Variants in MPC1 observed in about 807,000 individuals in gnomAD.
The protein encoded by MPC1 is HSPC040 protein.
MPC1 carries 6 observed loss-of-function variants against 13.9 expected under a neutral mutation model. The observed-to-expected ratio is 0.43, with a 90% CI of 0.24 to 0.85. The LOEUF (loss-of-function observed/expected upper bound fraction) is 0.85, where lower values mean the gene tolerates loss of function less well. MPC1 is among the 40% of genes least tolerant of loss of function. MPC1 has a pLI of 0.24. For synonymous variants in MPC1, 47 were observed against 50.5 expected, an observed-to-expected ratio of 0.93 and a Z score of 0.29; for missense variants, 115 against 143.3, an observed-to-expected ratio of 0.80 and a Z score of 1.01.
In MPC1 at chr6:166,376,155, CGT is replaced by C. The variant is rs74273802; in HGVS notation, c.72-5936_72-5935del. ...ATAGCTATAGATACATATACACATA[CGT>C]GTGTGTGTGTGTGTGTGTGTGTATA... On this transcript the variant is annotated intron_variant, in intron 1 of 4. Transcript: ENST00000360961. 1.0e-3 allele frequency among the ~76,000 whole-genome samples: 153 copies of C among 151,050 alleles called. 1 individual carries two copies. The highest frequency in any genetic ancestry group is 2.7e-3 in the African/African-American group (109 of 41,042).
At chr6:166,379,485 C>T (rs1039336603) in intron 1 of MPC1, among the ~76,000 whole-genome samples, 1 of 151,474 alleles carries the variant, frequency 6.6e-6, no homozygotes, top group Non-Finnish European at 1.5e-5. Context: ...CAGAGTAATA[C>T]CCTGTCTCTA....
chr6:166,374,494 T>C (rs1316620203), intron 1 of MPC1, among the ~76,000 whole-genome samples: 23 of 152,196 alleles, frequency 1.5e-4, no homozygotes, highest in Non-Finnish European at 2.9e-5. Flanking sequence ...GAAAAACTCA[T>C]CCCCAAACCC....
intron 1 of MPC1, among the ~76,000 whole-genome samples, chr6:166,377,074 G>A (rs1779594980): frequency 6.6e-6 from 1 of 151,154 alleles, no homozygotes; most frequent in Non-Finnish European, 1.5e-5. Context: ...GGTTTTAAAT[G>A]AGCATTTTAT....
In MPC1 at chr6:166,367,359, A is replaced by T. The variant is rs112095807; in HGVS notation, c.76-468T>A. Reference sequence around the variant, plus strand: ...TAATAATTCTTAAAATGCAGACCCTAAATTGGGTACTTTTCTGAAGAAAGA... The same window carrying T: ...TAATAATTCTTAAAATGCAGACCCTTAATTGGGTACTTTTCTGAAGAAAGA... On this transcript the variant is annotated intron_variant, in intron 2 of 4. Coordinates refer to ENST00000360961, the MANE Select transcript of MPC1 (RefSeq NM_016098.4). Among the ~76,000 whole-genome samples the T allele has an allele frequency of 7.5e-4, 114 of 152,354 alleles. 1 individual carries two copies. The highest frequency in any genetic ancestry group is 1.4e-3 in the Admixed American group (21 of 15,304).
At chr6:166,367,321 T>G (rs919406451) in intron 2 of MPC1, 2 of 342,190 alleles carry the variant, frequency 5.8e-6, no homozygotes, top group Admixed American at 5.6e-5. Flanking sequence ...CAAATTTTTA[T>G]GAAGATATTT....
chr6:166,375,585 C>T (rs1779539077), intron 1 of MPC1, among the ~76,000 whole-genome samples: 1 of 151,696 alleles, frequency 6.6e-6, no homozygotes, highest in South Asian at 2.1e-4. Context: ...CCCACAAATT[C>T]TGATAAGTTG....
chr6:166,370,131 T>A, intron 2 of MPC1, 87 bp downstream of exon 2: 1 of 779,592 alleles, frequency 1.3e-6, no homozygotes, highest in Non-Finnish European at 2.4e-6. Context: ...GGCTCTCATA[T>A]GCAAAGGATG....
At chr6:166,366,953 C>T (rs1779181324) in intron 2 of MPC1, 62 bp from the exon 3 acceptor site, 1 of 1,610,820 alleles carries the variant, frequency 6.2e-7, no homozygotes, top group African/African-American at 1.3e-5. Context: ...CTATAAACAG[C>T]TGAAATTTCC....
intron 1 of MPC1, chr6:166,381,924 C>T (rs1189666588): frequency 3.2e-6 from 2 of 626,750 alleles, no homozygotes; most frequent in African/African-American, 4.0e-5. Flanking sequence ...TCCGCTGTCC[C>T]AGAAGCGCGC....
At chr6:166,374,384 T>C (rs1779496986) in intron 1 of MPC1, among the ~76,000 whole-genome samples, 1 of 152,228 alleles carries the variant, frequency 6.6e-6, no homozygotes, top group Non-Finnish European at 1.5e-5. Context: ...TATTATCTTT[T>C]CATTCTCTTG....
intron 1 of MPC1, among the ~76,000 whole-genome samples, chr6:166,380,793 GC>G (rs1779740490): frequency 1.3e-5 from 2 of 151,824 alleles, no homozygotes. Flanking sequence ...TACAAAATTA[GC>G]CTGGCGTGGT....
chr6:166,373,500 TACC>T lies in MPC1; in HGVS notation c.72-3282_72-3280del, dbSNP rs1779460401. On this transcript the variant is annotated intron_variant, in intron 1 of 4. Transcript: ENST00000360961. ...TGAATAATATTCCATTGTCTGGAGG[TACC>T]ACAATTTATTTTGCCATTCACCTAC... Among the ~76,000 whole-genome samples the T allele has an allele frequency of 2.0e-5, 3 of 152,356 alleles. No individual in the cohort carries two copies. The South Asian group carries it at 6.2e-4, about 32-fold the overall frequency.
chr6:166,377,889 C>A (rs1185099345), intron 1 of MPC1, among the ~76,000 whole-genome samples: 1 of 152,212 alleles, frequency 6.6e-6, no homozygotes, highest in Admixed American at 6.5e-5. Context: ...GGGAAGTGCT[C>A]AAAGAGTCCA....
In MPC1 at chr6:166,366,096, G is replaced by A; in HGVS notation, c.183C>T (p.Cys61=). 2 of 1,613,442 alleles carry A rather than the reference G, an allele frequency of 1.2e-6. No homozygotes were observed. Among genetic ancestry groups the A allele is most frequent in the Middle Eastern group, 1.7e-4 (1 of 6,054 alleles). ...ISGRMTFALC[C]YSLTFMRFAY... ...CAAATCTCATGAATGTCAAAGAATAGCAACAGAGGGCTGCCAAAAATAGCA... is the reference window on the plus strand; with the variant it reads ...CAAATCTCATGAATGTCAAAGAATAACAACAGAGGGCTGCCAAAAATAGCA... Residue 61 remains cysteine (C), a synonymous_variant, in exon 4 of 5, where the codon TGC becomes TGT. Transcript: ENST00000360961.
At chr6:166,367,248 T>G (rs1779195212) in intron 2 of MPC1, 2 of 985,076 alleles carry the variant, frequency 2.0e-6, no homozygotes, top group Non-Finnish European at 2.5e-6. Context: ...GTTGCTATAA[T>G]TCAAACCCTG....
At chr6:166,366,943 C>A in intron 2 of MPC1, 52 bp from the exon 3 acceptor site, 1 of 1,612,026 alleles carries the variant, frequency 6.2e-7, no homozygotes. Flanking sequence ...TAAGACAGAA[C>A]TATAAACAGC....
At chr6:166,382,737 G>A (rs919454872) in intron 1 of MPC1, 69 bp downstream of exon 1, 4 of 1,475,840 alleles carry the variant, frequency 2.7e-6, no homozygotes, top group Non-Finnish European at 3.6e-6. Context: ...CCCTCGTCGC[G>A]GACTGCACGG....
chr6:166,366,196 G>C, intron 3 of MPC1, 90 bp from the exon 4 acceptor site: 2 of 1,375,024 alleles, frequency 1.5e-6, no homozygotes, highest in South Asian at 3.4e-5. Flanking sequence ...CCATTGCCCT[G>C]ATCAAAAAAG....
rs527830489 is a variant in MPC1 at position 166,382,136 on chromosome 6, G to A, written c.71+670C>T. 6.6e-5 allele frequency among the ~76,000 whole-genome samples: 10 copies of A among 152,302 alleles called. No individual in the cohort carries two copies. The East Asian group carries it at 1.9e-3, about 29-fold the overall frequency. ...CCGGAGGAGCGAGCCACTGTCAACT[G>A]GCCCGGAGGGACGTGCCCACTGCCA... On this transcript the variant is annotated intron_variant, in intron 1 of 4. Coordinates refer to ENST00000360961, the MANE Select transcript of MPC1 (RefSeq NM_016098.4).
Sources: gnomAD v4.1 joint callset for allele counts (sites outside exome capture counted in the v4.1 genomes callset) on GRCh38, gnomAD v4.1.1 for gene constraint, MANE v1.5 for transcripts, NCBI Gene and HGNC (gene_info 2026-07-23, HGNC 2026-07-21) for gene names.